GALNT18: variants seen among roughly 807,000 people sequenced by gnomAD.
GALNT18 encodes the protein polypeptide N-acetylgalactosaminyltransferase 18.
Under a neutral mutation model 69.5 loss-of-function variants are expected in GALNT18, and 44 were observed. The observed-to-expected ratio is 0.63, with a 90% CI of 0.50 to 0.81. GALNT18 has a LOEUF of 0.81. GALNT18 is among the 40% of genes least tolerant of loss of function. The pLI is 0.00. For missense variants in GALNT18, 715 were observed against 810.0 expected (o/e 0.88, Z 1.42); for synonymous variants, 364 against 318.2 (o/e 1.14, Z -1.53).
In GALNT18 at chr11:11,494,946, G is replaced by A. The variant is rs1189194489; in HGVS notation, c.236-46010C>T. On this transcript the variant is annotated intron_variant, in intron 1 of 10. Transcript: ENST00000227756. This position sits in a 1 kb window ranked among gnomAD's most constrained non-coding sequence, Gnocchi z 5.7. ...GAGTTATAAGCCAATCACATGCTCT[G>A]TGATTTGAGCATATAAATGTAGAAG... Among the ~76,000 whole-genome samples, 1 of 151,894 alleles carries A rather than the reference G, an allele frequency of 6.6e-6. No homozygotes were observed. Among genetic ancestry groups the A allele is most frequent in the African/African-American group, 2.4e-5 (1 of 41,324 alleles).
rs1229645921 is a variant in GALNT18, at chr11:11,583,942, C to G, written c.235+37417G>C. Among the ~76,000 whole-genome samples, 1 of 152,014 alleles carries G rather than the reference C, an allele frequency of 6.6e-6. No individual in the cohort carries two copies. The highest frequency in any genetic ancestry group is 1.5e-5 in the Non-Finnish European group (1 of 68,024). On this transcript the variant is annotated intron_variant, in intron 1 of 10. Transcript: ENST00000227756. The surrounding 1 kb of genome is among the most constrained non-coding windows in gnomAD (Gnocchi z 4.7). The stretch of plus-strand genomic sequence containing the variant: ...TCTTAGACAAGTCAACGGCTCCCCA[C>G]AAGATGAAAGCACAAGGTCACACTC...
At chr11:11,414,219 A>G (rs1854799977) in intron 3 of GALNT18, among the ~76,000 whole-genome samples, 1 of 152,156 alleles carries the variant, frequency 6.6e-6, no homozygotes, top group Non-Finnish European at 1.5e-5. Context: ...ACCCATTCCC[A>G]AATTATTCAT....
At chr11:11,570,295 A>T (rs1381518499) in intron 1 of GALNT18, 1 of 152,632 alleles carries the variant, frequency 6.6e-6, no homozygotes, top group Non-Finnish European at 1.5e-5. Context: ...GGCCAGAACA[A>T]CCTGATAGCA....
intron 9 of GALNT18, among the ~76,000 whole-genome samples, chr11:11,311,420 T>C (rs1417235879): frequency 6.6e-6 from 1 of 152,106 alleles, no homozygotes; most frequent in African/African-American, 2.4e-5. Flanking sequence ...CTGGGTGTGG[T>C]TTTGCAAGAC....
rs531084193 is a variant in GALNT18, at chr11:11,578,632, A to T, written c.235+42727T>A. Among the ~76,000 whole-genome samples the T allele has an allele frequency of 3.3e-5, 5 of 152,354 alleles. No individual in the cohort carries two copies. In the South Asian group the frequency reaches 6.2e-4, roughly 19 times the overall value. On this transcript the variant is annotated intron_variant, in intron 1 of 10. Coordinates refer to ENST00000227756, the MANE Select transcript of GALNT18 (RefSeq NM_198516.3). ...AAGCAAAAAGCGACAAGGCATCTTC[A>T]TAAGAGACCCCACCTCCCGGGTCAG...
At chr11:11,412,745 G>A (rs1854760637) in intron 3 of GALNT18, among the ~76,000 whole-genome samples, 1 of 152,166 alleles carries the variant, frequency 6.6e-6, no homozygotes, top group South Asian at 2.1e-4. Context: ...TGATATCCTT[G>A]GAGCCTCCTT....
chr11:11,304,086 A>G (rs1161671829), intron 9 of GALNT18, among the ~76,000 whole-genome samples: 1 of 152,120 alleles, frequency 6.6e-6, no homozygotes, highest in South Asian at 2.1e-4. Flanking sequence ...CAGGAATTTA[A>G]AACCTGAAAA....
rs927741643 is a variant in GALNT18 at position 11,590,778 on chromosome 11, G to A, written c.235+30581C>T. Among the ~76,000 whole-genome samples, 1 of 152,134 alleles carries A rather than the reference G, an allele frequency of 6.6e-6. No individual in the cohort carries two copies. The highest frequency in any genetic ancestry group is 1.5e-5 in the Non-Finnish European group (1 of 68,018). ...CTAGTAACATCACAGCCATCCTTAT[G>A]TCACAGCACAATGCATTCCTCAGGT... On this transcript the variant is annotated intron_variant, in intron 1 of 10. Coordinates refer to ENST00000227756, the MANE Select transcript of GALNT18 (RefSeq NM_198516.3). The surrounding 1 kb of genome is among the most constrained non-coding windows in gnomAD (Gnocchi z 4.4).
intron 10 of GALNT18, among the ~76,000 whole-genome samples, chr11:11,288,953 TA>T (rs1443233041): frequency 6.6e-6 from 1 of 152,156 alleles, no homozygotes; most frequent in East Asian, 1.9e-4. Flanking sequence ...GGAGAATAAA[TA>T]GTGCATAATG....
At chr11:11,531,243 C>T (rs919719754) in intron 1 of GALNT18, among the ~76,000 whole-genome samples, 21 of 152,314 alleles carry the variant, frequency 1.4e-4, no homozygotes, top group South Asian at 1.0e-3. Context: ...GCACAGTATA[C>T]AGGCTTTGAG....
chr11:11,575,062 A>C (rs79906810), intron 1 of GALNT18, among the ~76,000 whole-genome samples: 2,498 of 152,314 alleles, frequency 0.016, 68 homozygotes, highest in African/African-American at 0.056. Context: ...TAAATCCAAC[A>C]TTTAAGAGAG....
chr11:11,585,670 A>G (rs1157339515), intron 1 of GALNT18, among the ~76,000 whole-genome samples: 1 of 152,218 alleles, frequency 6.6e-6, no homozygotes, highest in Non-Finnish European at 1.5e-5. Flanking sequence ...AATCTTTTTC[A>G]TACTTCAACC....
At position 11,542,999 on chromosome 11, in the gene GALNT18, A is replaced by C. The variant is rs1051937415; in HGVS notation, c.235+78360T>G. Among the ~76,000 whole-genome samples, 9 of 152,142 alleles carry C rather than the reference A, an allele frequency of 5.9e-5. No individual in the cohort carries two copies. Among genetic ancestry groups the C allele is most frequent in the Admixed American group, 2.6e-4 (4 of 15,284 alleles). ...TGCAGCCTTTTCTACTGTGTGGAGAAAGAGTGAATGATATGACCTTCCTCA... is the reference window on the plus strand; with the variant it reads ...TGCAGCCTTTTCTACTGTGTGGAGACAGAGTGAATGATATGACCTTCCTCA... On this transcript the variant is annotated intron_variant, in intron 1 of 10. Coordinates refer to ENST00000227756, the MANE Select transcript of GALNT18 (RefSeq NM_198516.3). The surrounding 1 kb of genome is among the most constrained non-coding windows in gnomAD (Gnocchi z 4.3).
chr11:11,598,222 T>C lies in GALNT18; in HGVS notation c.235+23137A>G, dbSNP rs1266754263. ...AATTACTATAATCTATAATAATCTA[T>C]AACAAATTATAACTGTAATCTATAA... On this transcript the variant is annotated intron_variant, in intron 1 of 10. Coordinates refer to ENST00000227756, the MANE Select transcript of GALNT18 (RefSeq NM_198516.3). The surrounding 1 kb of genome is among the most constrained non-coding windows in gnomAD (Gnocchi z 4.8). Among the ~76,000 whole-genome samples the C allele has an allele frequency of 1.3e-5, 2 of 148,456 alleles. No homozygotes were observed. Among genetic ancestry groups the C allele is most frequent in the Admixed American group, 1.3e-4 (2 of 15,156 alleles).
intron 9 of GALNT18, 58 bp from the exon 10 acceptor site, chr11:11,293,251 G>A (rs925759620): frequency 3.9e-6 from 5 of 1,284,628 alleles, no homozygotes; most frequent in Middle Eastern, 2.1e-4. Flanking sequence ...GGAGACAGGA[G>A]CATAGGTGGT....
At chr11:11,609,419 C>T (rs1027868903) in intron 1 of GALNT18, among the ~76,000 whole-genome samples, 3 of 152,222 alleles carry the variant, frequency 2.0e-5, no homozygotes, top group African/African-American at 4.8e-5. Flanking sequence ...ATACACAAGG[C>T]GCACACCTCA....
intron 7 of GALNT18, among the ~76,000 whole-genome samples, chr11:11,336,702 T>C (rs1036299982): frequency 2.6e-5 from 4 of 152,140 alleles, no homozygotes; most frequent in Admixed American, 1.3e-4. Context: ...GTGTGAAGCA[T>C]ATAGCATCCA....
chr11:11,558,371 G>GA (rs1195367807), intron 1 of GALNT18, among the ~76,000 whole-genome samples: 1 of 152,122 alleles, frequency 6.6e-6, no homozygotes, highest in Non-Finnish European at 1.5e-5. Context: ...GACAAGTGAG[G>GA]AAAAAAATGG....
intron 1 of GALNT18, among the ~76,000 whole-genome samples, chr11:11,599,934 CTTGAG>C (rs1343228141): frequency 3.3e-5 from 5 of 151,904 alleles, no homozygotes; most frequent in Admixed American, 1.3e-4. Context: ...AACTCTACTT[CTTGAG>C]TTATTTTCTT....
Sources: gnomAD v4.1 joint callset for allele counts (sites outside exome capture counted in the v4.1 genomes callset) on GRCh38, gnomAD v4.1.1 for gene constraint, Gnocchi (gnomAD v3.1) non-coding constraint, MANE v1.5 for transcripts, NCBI Gene and HGNC (gene_info 2026-07-23, HGNC 2026-07-21) for gene names.